Variants in ALOX15B observed in about 807,000 individuals in gnomAD.
ALOX15B encodes the protein arachidonate 15-lipoxygenase type B, also known as polyunsaturated fatty acid lipoxygenase ALOX15B.
In ALOX15B, 74 loss-of-function variants were observed where a neutral mutation model predicts 73.8. The observed-to-expected ratio is 1.00, with a 90% CI of 0.83 to 1.22. The LOEUF (loss-of-function observed/expected upper bound fraction) is 1.22. Ranked by LOEUF, ALOX15B falls within the 50% of genes most tolerant of loss-of-function variation. The pLI is 0.00. For synonymous variants in ALOX15B, 353 were observed against 357.2 expected (o/e 0.99, Z 0.13); for missense variants, 896 against 859.9 (o/e 1.04, Z -0.52).
Position 8,042,809 on chromosome 17 carries a change from C to T in ALOX15B, c.601C>T (p.Leu201=). Residue 201 remains leucine, a synonymous_variant, in exon 5 of 14, where the codon CTG becomes TTG. Transcript: ENST00000380183. The part of the protein sequence containing the change: ...AFAEMKIKGL[L]DRKGLWRSLN... Reference sequence around the variant, plus strand: ...TGCAGAGATGAAAATCAAGGGGTTGCTGGACCGCAAGGGGCTCTGGAGGAG... The same window carrying T: ...TGCAGAGATGAAAATCAAGGGGTTGTTGGACCGCAAGGGGCTCTGGAGGAG... 6.4e-7 allele frequency: 1 copy of T among 1,559,668 alleles called. No individual in the cohort carries two copies. The highest frequency in any genetic ancestry group is 8.7e-7 in the Non-Finnish European group (1 of 1,151,636).
chr17:8,039,739 T>TA, intron 2 of ALOX15B, 134 bp downstream of exon 2: 1 of 1,166,652 alleles, frequency 8.6e-7, no homozygotes, highest in Non-Finnish European at 1.2e-6. Context: ...GGAGAGGGAA[T>TA]GGCGGAGCCT....
rs929700348 is a variant in ALOX15B, at chr17:8,042,486, C to T, written c.567C>T (p.Gly189=). Residue 189 remains glycine, a synonymous_variant, in exon 4 of 14, where the codon GGC becomes GGT. Transcript: ENST00000380183. Reference sequence around the variant, plus strand: ...ATGCCAACTTTTATCTACAGGCTGGCTCTGCGTGAGGATGCCCACCCTTCC... The same window carrying T: ...ATGCCAACTTTTATCTACAGGCTGGTTCTGCGTGAGGATGCCCACCCTTCC... The part of the protein sequence containing the change: ...AKNANFYLQA[G]SAFAEMKIKG... 6.2e-7 allele frequency: 1 copy of T among 1,613,138 alleles called. No homozygotes were observed. Among genetic ancestry groups the T allele is most frequent in the African/African-American group, 1.3e-5 (1 of 74,882 alleles).
chr17:8,044,879 CTGAA>C lies in ALOX15B; in HGVS notation c.730_733del (p.Asn244ValfsTer6), dbSNP rs1976562306. ...GGACGCCTTCTTCGCCTCCCAGTTC[CTGAA>C]TGGTCTCAACCCTGTCCTGATCCGC... On this transcript the variant is annotated frameshift_variant, in exon 6 of 14. Transcript: ENST00000380183. LOFTEE classifies it high-confidence loss of function. The C allele has an allele frequency of 1.2e-6, 2 of 1,613,992 alleles. No homozygotes were observed. Among genetic ancestry groups the C allele is most frequent in the Non-Finnish European group, 1.7e-6 (2 of 1,179,974 alleles).
At chr17:8,044,378 C>T (rs1173549024) in intron 5 of ALOX15B, among the ~76,000 whole-genome samples, 1 of 148,126 alleles carries the variant, frequency 6.8e-6, no homozygotes, top group Non-Finnish European at 1.5e-5. Flanking sequence ...GCCGAGGTCA[C>T]GCCACTGGAC....
At chr17:8,043,181 C>T (rs937014619) in intron 5 of ALOX15B, among the ~76,000 whole-genome samples, 1 of 152,200 alleles carries the variant, frequency 6.6e-6, no homozygotes, top group African/African-American at 2.4e-5. Context: ...GTTAATTAGA[C>T]TCAAAATCAA....
intron 11 of ALOX15B, 49 bp downstream of exon 11, chr17:8,047,428 G>T (rs1158095313): frequency 1.2e-6 from 2 of 1,609,330 alleles, no homozygotes; most frequent in Admixed American, 3.3e-5. Flanking sequence ...CCATCCCCGT[G>T]TCCCCCACCC....
In ALOX15B at chr17:8,039,378, C is replaced by T. The variant is rs1367895151; in HGVS notation, c.148-8C>T. On this transcript the variant is annotated splice_region_variant and splice_polypyrimidine_tract_variant and intron_variant, in intron 1 of 13. Transcript: ENST00000380183. ...GTCCGGCCTGACGCATACTTAACCT[C>T]CCCTCAGGAGGAGGACTTCCAGGTG... is the stretch of plus-strand genomic sequence containing the variant. 4 of 1,611,500 alleles carry T rather than the reference C, an allele frequency of 2.5e-6. No individual in the cohort carries two copies. The highest frequency in any genetic ancestry group is 3.3e-5 in the Admixed American group (2 of 59,760).
rs1976652177 is a variant in ALOX15B at position 8,047,730 on chromosome 17, CCT to C, written c.1681-11_1681-10del. 6.2e-7 allele frequency: 1 copy of C among 1,613,946 alleles called. No homozygotes were observed. The highest frequency in any genetic ancestry group is 8.5e-7 in the Non-Finnish European group (1 of 1,179,962). On this transcript the variant is annotated splice_polypyrimidine_tract_variant and intron_variant, in intron 12 of 13. Coordinates refer to ENST00000380183, the MANE Select transcript of ALOX15B (RefSeq NM_001141.3). ...ACCCAGCTCCTCAGCCTCATTCTGCCCTCTCGGCCTTCAGTTTGACTCCTGTG... is the reference window on the plus strand; with the variant it reads ...ACCCAGCTCCTCAGCCTCATTCTGCCCTCGGCCTTCAGTTTGACTCCTGTG...
Position 8,039,315 on chromosome 17 carries a change from G to A in ALOX15B, c.147+13G>A. The A allele has an allele frequency of 6.3e-7, 1 of 1,587,230 alleles. No homozygotes were observed. The highest frequency in any genetic ancestry group is 8.6e-7 in the Non-Finnish European group (1 of 1,164,574). ...CACTGCGGGCGCTGTGAGTGCGTGG[G>A]AGTGGATGGGGTGGAGGTGAAGGGG... On this transcript the variant is annotated intron_variant, in intron 1 of 13. Transcript: ENST00000380183.
Position 8,047,257 on chromosome 17 carries a change from G to C in ALOX15B, c.1458-1G>C, listed in dbSNP as rs1251438625. ...TGGACCTGAACCTGGATGCATTGCA[G>C]CTTTGTCTCTGAAATCATCGGTATC... On this transcript the variant is annotated splice_acceptor_variant, in intron 10 of 13. Coordinates refer to ENST00000380183, the MANE Select transcript of ALOX15B (RefSeq NM_001141.3). LOFTEE classifies it high-confidence loss of function. The C allele has an allele frequency of 5.0e-6, 8 of 1,613,934 alleles. No homozygotes were observed. Among genetic ancestry groups the C allele is most frequent in the Non-Finnish European group, 6.8e-6 (8 of 1,179,984 alleles).
rs750885544 is a variant in ALOX15B at position 8,047,263 on chromosome 17, T to C, written c.1463T>C (p.Val488Ala). Residue 488 changes from valine (V) to alanine (A), a missense_variant, in exon 11 of 14, where the codon GTC becomes GCC. Val to Ala is a moderately conservative substitution (Grantham distance 64). Coordinates refer to ENST00000380183, the MANE Select transcript of ALOX15B (RefSeq NM_001141.3). ...TGAACCTGGATGCATTGCAGCTTTG[T>C]CTCTGAAATCATCGGTATCTACTAC... is the stretch of plus-strand genomic sequence containing the variant. ...MQIWGAVERF[V>A]SEIIGIYYPS... 3.7e-6 allele frequency: 6 copies of C among 1,614,042 alleles called. No individual in the cohort carries two copies. In the Admixed American group the frequency reaches 8.3e-5, roughly 22 times the overall value.
intron 3 of ALOX15B, among the ~76,000 whole-genome samples, chr17:8,040,657 A>AAAGG: frequency 6.7e-6 from 1 of 150,054 alleles, no homozygotes; most frequent in East Asian, 2.0e-4. Context: ...GAAAGAAAAG[A>AAAGG]AAGAGAAAGA....
In ALOX15B at chr17:8,045,353, G is replaced by T. The variant is rs1341725438; in HGVS notation, c.965G>T (p.Gly322Val). The T allele has an allele frequency of 1.2e-6, 2 of 1,614,076 alleles. No homozygotes were observed. Among genetic ancestry groups the T allele is most frequent in the Non-Finnish European group, 1.7e-6 (2 of 1,180,016 alleles). Residue 322 changes from glycine to valine, a missense_variant, in exon 7 of 14, where the codon GGC becomes GTC. Transcript: ENST00000380183. Reference sequence around the variant, plus strand: ...ATGACCCTGCTATACCAGAGCCCAGGCTGCGGGCCGCTGCTGCCTCTCGCC... The same window carrying T: ...ATGACCCTGCTATACCAGAGCCCAGTCTGCGGGCCGCTGCTGCCTCTCGCC... ...APMTLLYQSP[G>V]CGPLLPLAIQ...
At chr17:8,040,054 G>A in intron 3 of ALOX15B, 71 bp downstream of exon 3, 1 of 1,465,936 alleles carries the variant, frequency 6.8e-7, no homozygotes, top group South Asian at 1.2e-5. Flanking sequence ...TCCTGGTCAT[G>A]ACAGAGATTA....
chr17:8,039,299 C>T lies in ALOX15B; in HGVS notation c.144C>T (p.Gly48=), dbSNP rs1326670960. ...LDNLGKEFTA[G]AEEDFQVTLP... is the part of the protein sequence containing the mutation. ...ATCTCGGCAAGGAGTTCACTGCGGG[C>T]GCTGTGAGTGCGTGGGAGTGGATGG... The change falls in exon 1 of 14, where the codon GGC becomes GGT. Residue 48 remains glycine (G), a synonymous_variant. Coordinates refer to ENST00000380183, the MANE Select transcript of ALOX15B (RefSeq NM_001141.3). 6 of 1,585,148 alleles carry T rather than the reference C, an allele frequency of 3.8e-6. No homozygotes were observed. Among genetic ancestry groups the T allele is most frequent in the South Asian group, 2.3e-5 (2 of 85,926 alleles).
intron 3 of ALOX15B, among the ~76,000 whole-genome samples, chr17:8,041,685 GA>G: frequency 6.6e-6 from 1 of 152,240 alleles, no homozygotes. Context: ...CAAGTTTGCA[GA>G]TACATGAATT....
chr17:8,045,763 C>T, intron 8 of ALOX15B, 77 bp downstream of exon 8: 1 of 1,484,622 alleles, frequency 6.7e-7, no homozygotes, highest in South Asian at 1.2e-5. Flanking sequence ...CTCACATGGC[C>T]CTATCCATGC....
intron 6 of ALOX15B, 85 bp downstream of exon 6, chr17:8,045,086 T>A (rs1361376626): frequency 1.3e-6 from 2 of 1,589,620 alleles, no homozygotes; most frequent in Non-Finnish European, 1.7e-6. Context: ...AGGGGCACAC[T>A]CACATTTGTT....
chr17:8,044,105 G>GGAAGGAAGGAAGGA (rs1555638987), intron 5 of ALOX15B, among the ~76,000 whole-genome samples: 16 of 62,318 alleles, frequency 2.6e-4, no homozygotes. Context: ...GAGAGAGAGA[G>GGAAGGAAGGAAGGA]AGGAAGGAAG....
Sources: gnomAD v4.1 joint callset for allele counts (sites outside exome capture counted in the v4.1 genomes callset) on GRCh38, gnomAD v4.1.1 for gene constraint, MANE v1.5 for transcripts, NCBI Gene and HGNC (gene_info 2026-07-23, HGNC 2026-07-21) for gene names.